Variants in TBC1D32 observed in about 807,000 individuals in gnomAD.
The protein encoded by TBC1D32 is TBC1 domain family member 32.
In TBC1D32, 151 loss-of-function variants were observed where a neutral mutation model predicts 170.3. The ratio of observed to expected loss-of-function variants is 0.89; its 90% CI spans 0.78 to 1.01. The LOEUF (loss-of-function observed/expected upper bound fraction) is 1.01, where lower values mean the gene tolerates loss of function less well. Ranked by LOEUF, TBC1D32 falls within the 50% of genes least tolerant of loss-of-function variation. TBC1D32 has a pLI of 0.00. For synonymous variants in TBC1D32, 498 were observed against 488.0 expected (o/e 1.02, Z -0.27); for missense variants, 1,464 against 1,457.1 (o/e 1.00, Z -0.08).
chr6:121,156,459 A>G (rs536498050), intron 24 of TBC1D32, among the ~76,000 whole-genome samples: 6 of 151,454 alleles, frequency 4.0e-5, no homozygotes, highest in African/African-American at 1.5e-4. Flanking sequence ...TTTCCTTTTA[A>G]AAAATCAATT....
At chr6:121,156,649 TA>T (rs1293719787) in intron 24 of TBC1D32, among the ~76,000 whole-genome samples, 1 of 152,034 alleles carries the variant, frequency 6.6e-6, no homozygotes, top group Non-Finnish European at 1.5e-5. Flanking sequence ...ATGAAAGCCA[TA>T]GGACTATAAA....
At chr6:121,205,798 T>C (rs989703437) in intron 21 of TBC1D32, among the ~76,000 whole-genome samples, 20 of 152,138 alleles carry the variant, frequency 1.3e-4, no homozygotes, top group African/African-American at 4.8e-4. Context: ...GATGTTCCAG[T>C]GTGTAGCCAA....
chr6:121,330,055 T>A (rs1811008381), intron 1 of TBC1D32, among the ~76,000 whole-genome samples: 1 of 152,044 alleles, frequency 6.6e-6, no homozygotes, highest in Non-Finnish European at 1.5e-5. Flanking sequence ...TTTATTTTAT[T>A]TTATTTATTT....
chr6:121,169,520 C>CT (rs1418224836), intron 22 of TBC1D32, among the ~76,000 whole-genome samples: 4 of 152,108 alleles, frequency 2.6e-5, no homozygotes, highest in Admixed American at 6.6e-5. Context: ...TTAAAGAATA[C>CT]TTTCCTTGAT....
intron 20 of TBC1D32, among the ~76,000 whole-genome samples, chr6:121,227,080 C>A (rs1019911229): frequency 5.9e-5 from 9 of 152,122 alleles, no homozygotes; most frequent in African/African-American, 2.2e-4. Context: ...CAAAAAAAAT[C>A]TCATAATGTT....
rs568063662 is a variant in TBC1D32, at chr6:121,323,680, G to A, written c.156-1886C>T. 5.3e-5 allele frequency among the ~76,000 whole-genome samples: 8 copies of A among 152,270 alleles called. No homozygotes were observed. In the East Asian group the frequency reaches 5.8e-4, roughly 11 times the overall value. On this transcript the variant is annotated intron_variant, in intron 1 of 31. Transcript: ENST00000398212. ...AAACTGGCCGGGTGCAGTGACTCAC[G>A]CCTGTGATCCCAGCACTTTGGGAGG... is the stretch of plus-strand genomic sequence containing the variant.
chr6:121,137,462 GA>G (rs1400109399), intron 24 of TBC1D32, among the ~76,000 whole-genome samples: 1 of 126,810 alleles, frequency 7.9e-6, no homozygotes, highest in Non-Finnish European at 1.6e-5. Context: ...AGACAACTAT[GA>G]AAAATTGGAA....
rs540459302 is a variant in TBC1D32, at chr6:121,127,903, T to C, written c.2900-1442A>G. Reference sequence around the variant, plus strand: ...TATTTAAGTAAAGTGCTTGAGTTAATGGGAAAAGACAAAGCATATTGCTAA... The same window carrying C: ...TATTTAAGTAAAGTGCTTGAGTTAACGGGAAAAGACAAAGCATATTGCTAA... On this transcript the variant is annotated intron_variant, in intron 25 of 31. Coordinates refer to ENST00000398212, the MANE Select transcript of TBC1D32 (RefSeq NM_152730.6). Among the ~76,000 whole-genome samples the C allele has an allele frequency of 7.6e-4, 116 of 152,286 alleles. 1 individual carries two copies. The highest frequency in any genetic ancestry group is 2.1e-3 in the South Asian group (10 of 4,830).
In TBC1D32 at chr6:121,160,034, T is replaced by C; in HGVS notation, c.2749A>G (p.Thr917Ala). The change falls in exon 24 of 32, where the codon ACA becomes GCA. Residue 917 changes from threonine (T) to alanine (A), a missense_variant. Transcript: ENST00000398212. ...CCTTGTTTTATACCAGCATTTCTTG[T>C]AATGTCTGACAGATAGCAGTTTGGC... is the stretch of plus-strand genomic sequence containing the variant. Reference protein sequence around the residue: ...PLPNCYLSDITRNAGIKQDND... With the variant: ...PLPNCYLSDIARNAGIKQDND... 6.2e-7 allele frequency: 1 copy of C among 1,606,040 alleles called. No homozygotes were observed.
At chr6:121,218,298 C>A (rs1389666977) in intron 21 of TBC1D32, among the ~76,000 whole-genome samples, 1 of 152,168 alleles carries the variant, frequency 6.6e-6, no homozygotes, top group Non-Finnish European at 1.5e-5. Context: ...CAAACCATGT[C>A]AAATATTCCA....
chr6:121,187,983 C>A (rs1265470305), intron 22 of TBC1D32, among the ~76,000 whole-genome samples: 2 of 152,006 alleles, frequency 1.3e-5, no homozygotes, highest in Admixed American at 6.6e-5. Context: ...TGAAGCAGTA[C>A]AATATATGGG....
intron 22 of TBC1D32, among the ~76,000 whole-genome samples, chr6:121,162,076 G>A (rs1318188172): frequency 2.0e-5 from 3 of 152,124 alleles, no homozygotes; most frequent in Non-Finnish European, 4.4e-5. Context: ...GTACATGCTG[G>A]ATATTAGGTG....
chr6:121,141,258 A>G (rs1372518606), intron 24 of TBC1D32, among the ~76,000 whole-genome samples: 1 of 152,164 alleles, frequency 6.6e-6, no homozygotes, highest in Non-Finnish European at 1.5e-5. Flanking sequence ...TGAAGAAGTG[A>G]CATTTAGACT....
intron 10 of TBC1D32, among the ~76,000 whole-genome samples, chr6:121,295,372 G>T (rs1805461200): frequency 6.6e-6 from 1 of 150,450 alleles, no homozygotes; most frequent in East Asian, 2.0e-4. Context: ...TGGTGACCTT[G>T]AAAAGATCAC....
intron 1 of TBC1D32, among the ~76,000 whole-genome samples, chr6:121,332,855 A>G (rs909582538): frequency 3.3e-5 from 5 of 152,196 alleles, no homozygotes; most frequent in African/African-American, 1.2e-4. Flanking sequence ...AGTGAATTTA[A>G]TGAGAAAATA....
chr6:121,173,483 C>T (rs947311894), intron 22 of TBC1D32, among the ~76,000 whole-genome samples: 3 of 151,720 alleles, frequency 2.0e-5, no homozygotes, highest in African/African-American at 7.3e-5. Flanking sequence ...AGAAGAAAAA[C>T]AAAATAAAAT....
At chr6:121,306,438 T>C (rs1807332361) in intron 5 of TBC1D32, among the ~76,000 whole-genome samples, 1 of 152,164 alleles carries the variant, frequency 6.6e-6, no homozygotes. Context: ...CTGTCCATGG[T>C]GTGTTCCCAG....
rs759423143 is a variant in TBC1D32 at position 121,126,383 on chromosome 6, T to C, written c.2978A>G (p.Tyr993Cys). 6.5e-5 allele frequency: 105 copies of C among 1,610,218 alleles called. No individual in the cohort carries two copies. The highest frequency in any genetic ancestry group is 8.7e-5 in the Non-Finnish European group (102 of 1,177,956). Residue 993 changes from tyrosine to cysteine, a missense_variant, in exon 26 of 32, where the codon TAT becomes TGT. By Grantham distance (194) the Tyr-to-Cys change is radical (BLOSUM62 -2). Coordinates refer to ENST00000398212, the MANE Select transcript of TBC1D32 (RefSeq NM_152730.6). ...PSECYFPSVEYTATDANVKNE... is the reference protein window; with the variant it reads ...PSECYFPSVECTATDANVKNE... ...TCACAATGTTTAAAATGTACCTGTA[T>C]ACTCCACTGAAGGGAAGTAGCATTC... is the stretch of plus-strand genomic sequence containing the variant.
chr6:121,090,776 T>C, intron 31 of TBC1D32, 77 bp downstream of exon 31: 1 of 1,325,964 alleles, frequency 7.5e-7, no homozygotes, highest in Non-Finnish European at 1.1e-6. Flanking sequence ...AATGAGTGCC[T>C]AGAAAAAGTA....
Sources: allele counts gnomAD v4.1 joint callset (sites outside exome capture counted in the v4.1 genomes callset), GRCh38; gene constraint gnomAD v4.1.1; transcripts MANE v1.5; gene names NCBI Gene and HGNC (gene_info 2026-07-23, HGNC 2026-07-21).